Variants in UBE2B observed in about 807,000 individuals in gnomAD.
UBE2B encodes the protein ubiquitin conjugating enzyme E2 B.
UBE2B carries 11 observed loss-of-function variants against 24.6 expected under a neutral mutation model. The ratio of observed to expected loss-of-function variants is 0.45; its 90% CI spans 0.28 to 0.74. The LOEUF (loss-of-function observed/expected upper bound fraction) is 0.74, where lower values mean the gene tolerates loss of function less well. UBE2B is among the 30% of genes least tolerant of loss of function. The pLI, the probability that UBE2B is intolerant of heterozygous loss-of-function variation, is 0.13. For missense variants in UBE2B, 78 were observed against 185.6 expected, an observed-to-expected ratio of 0.42 and a Z score of 3.37; for synonymous variants, 68 against 62.4, an observed-to-expected ratio of 1.09 and a Z score of -0.42.
intron 3 of UBE2B, among the ~76,000 whole-genome samples, chr5:134,379,466 T>C (rs1758668489): frequency 6.6e-6 from 1 of 151,932 alleles, no homozygotes; most frequent in Non-Finnish European, 1.5e-5. Context: ...GCCAACATGG[T>C]GAAACGTCGT....
At chr5:134,376,364 T>TATATATATATATATATATATATATACAC (rs70976528) in intron 2 of UBE2B, among the ~76,000 whole-genome samples, 2 of 79,496 alleles carry the variant, frequency 2.5e-5, no homozygotes, top group African/African-American at 1.0e-4. Flanking sequence ...TATATATATA[T>TATATATATATATATATATATATATACAC]ACACATATGT....
At chr5:134,383,691 C>T (rs936498014) in intron 4 of UBE2B, among the ~76,000 whole-genome samples, 2 of 151,954 alleles carry the variant, frequency 1.3e-5, no homozygotes, top group African/African-American at 4.8e-5. Context: ...GAACTCCTGA[C>T]CTCAGGTGAT....
At chr5:134,373,069 A>G (rs962943548) in intron 1 of UBE2B, among the ~76,000 whole-genome samples, 3 of 152,196 alleles carry the variant, frequency 2.0e-5, no homozygotes, top group Non-Finnish European at 4.4e-5. Flanking sequence ...AGAGATCTGC[A>G]GGTTACAAGA....
At chr5:134,383,734 A>C (rs1758752593) in intron 4 of UBE2B, among the ~76,000 whole-genome samples, 1 of 152,086 alleles carries the variant, frequency 6.6e-6, no homozygotes, top group Non-Finnish European at 1.5e-5. Context: ...TGTTGGGATT[A>C]CAGGTGTGAG....
rs754554572 is a variant in UBE2B, at chr5:134,371,613, G to A, written c.18G>A (p.Arg6=). 48 of 1,613,068 alleles carry A rather than the reference G, an allele frequency of 3.0e-5. No individual in the cohort carries two copies. The highest frequency in any genetic ancestry group is 8.8e-5 in the South Asian group (8 of 91,080). Residue 6 remains arginine, a synonymous_variant, in exon 1 of 6, where the codon CGG becomes CGA. Coordinates refer to ENST00000265339, the MANE Select transcript of UBE2B (RefSeq NM_003337.4). ...TGCGGAGCATGTCGACCCCGGCCCG[G>A]AGGAGGCTCATGCGGGATTTCAAGC... is the stretch of plus-strand genomic sequence containing the variant. MSTPA[R]RRLMRDFKRL...
Position 134,376,659 on chromosome 5 carries a change from T to G in UBE2B, c.126-10T>G, listed in dbSNP as rs1256765832. 6.2e-7 allele frequency: 1 copy of G among 1,611,862 alleles called. No homozygotes were observed. The highest frequency in any genetic ancestry group is 8.5e-7 in the Non-Finnish European group (1 of 1,179,222). On this transcript the variant is annotated splice_polypyrimidine_tract_variant and intron_variant, in intron 2 of 5. Coordinates refer to ENST00000265339, the MANE Select transcript of UBE2B (RefSeq NM_003337.4). Reference sequence around the variant, plus strand: ...AAACTTCTTTTAATCAGAAATCTTCTTGTTTTCAGACCAGAAGGGACACCT... The same window carrying G: ...AAACTTCTTTTAATCAGAAATCTTCGTGTTTTCAGACCAGAAGGGACACCT...
At chr5:134,383,473 C>CTAT (rs1554114519) in intron 4 of UBE2B, among the ~76,000 whole-genome samples, 2,354 of 80,048 alleles carry the variant, frequency 0.029, 174 homozygotes, top group African/African-American at 0.066. Context: ...CCATACCCAG[C>CTAT]TTTTTTTTTT....
intron 3 of UBE2B, among the ~76,000 whole-genome samples, chr5:134,378,260 T>G (rs1249871620): frequency 2.0e-5 from 3 of 151,748 alleles, no homozygotes; most frequent in Non-Finnish European, 2.9e-5. Flanking sequence ...TCTATGTGGG[T>G]TTTTTTTGTT....
chr5:134,389,551 C>CTTT (rs985767264), intron 5 of UBE2B, among the ~76,000 whole-genome samples: 1 of 139,472 alleles, frequency 7.2e-6, no homozygotes, highest in Non-Finnish European at 1.6e-5. Context: ...TTTCTTTTTT[C>CTTT]TTTTTTTTTT....
intron 4 of UBE2B, among the ~76,000 whole-genome samples, chr5:134,387,205 G>A (rs951100290): frequency 7.9e-5 from 12 of 151,950 alleles, no homozygotes; most frequent in African/African-American, 1.7e-4. Flanking sequence ...TGATCCACCC[G>A]CCTCGGCCTC....
At chr5:134,378,076 G>A (rs965934917) in intron 3 of UBE2B, among the ~76,000 whole-genome samples, 1 of 152,068 alleles carries the variant, frequency 6.6e-6, no homozygotes, top group African/African-American at 2.4e-5. Context: ...CCAGCTACTT[G>A]GGAGGATTAC....
chr5:134,376,430 G>GA (rs1260691226), intron 2 of UBE2B, among the ~76,000 whole-genome samples: 1 of 136,998 alleles, frequency 7.3e-6, no homozygotes, highest in Non-Finnish European at 1.5e-5. Context: ...TTATGGGCAA[G>GA]TTTTTTTGTT....
At chr5:134,383,483 T>A (rs996893364) in intron 4 of UBE2B, among the ~76,000 whole-genome samples, 12 of 138,776 alleles carry the variant, frequency 8.6e-5, no homozygotes, top group Non-Finnish European at 1.4e-4. Context: ...CTTTTTTTTT[T>A]TTTTTTTTTT....
chr5:134,377,851 A>G (rs1339480262), intron 3 of UBE2B, among the ~76,000 whole-genome samples: 1 of 152,234 alleles, frequency 6.6e-6, no homozygotes. Context: ...AAGGCATTAG[A>G]CAGTGGCACC....
chr5:134,389,454 G>A (rs1758862751), intron 5 of UBE2B, among the ~76,000 whole-genome samples: 1 of 151,964 alleles, frequency 6.6e-6, no homozygotes. Context: ...AAATTAAGCT[G>A]TTTATTTCCT....
rs70976528 is a variant in UBE2B at position 134,376,364 on chromosome 5, T to TATATATATATATATATATAC, written c.126-304_126-303insTATATATATATATATATACA. ...AAAAAAAAAAATATATATATATATATACACATATGTACAAAATGACTGGTC... is the reference window on the plus strand; with the variant it reads ...AAAAAAAAAAATATATATATATATATATATATATATATATATATACACACATATGTACAAAATGACTGGTC... On this transcript the variant is annotated intron_variant, in intron 2 of 5. Transcript: ENST00000265339. Among the ~76,000 whole-genome samples the TATATATATATATATATATAC allele has an allele frequency of 2.4e-4, 19 of 79,474 alleles. 1 individual carries two copies. The highest frequency in any genetic ancestry group is 5.0e-4 in the South Asian group (1 of 2,000). The allele number at this position is 79,474 out of a possible 152,430, so 52.1% of individuals were successfully genotyped here. A position where few individuals can be genotyped will look rare whatever the true frequency, so the allele number is the denominator to read the frequency against.
At chr5:134,376,901 T>C (rs1758618971) in intron 3 of UBE2B, among the ~76,000 whole-genome samples, 1 of 152,208 alleles carries the variant, frequency 6.6e-6, no homozygotes, top group African/African-American at 2.4e-5. Context: ...AAGGTTACTT[T>C]AATATTTTCC....
intron 3 of UBE2B, among the ~76,000 whole-genome samples, chr5:134,380,314 C>T (rs1227584293): frequency 6.6e-6 from 1 of 152,238 alleles, no homozygotes; most frequent in African/African-American, 2.4e-5. Context: ...ATGATCTGGG[C>T]TCACTGCAAC....
intron 4 of UBE2B, among the ~76,000 whole-genome samples, chr5:134,384,542 A>G (rs1758765703): frequency 6.6e-6 from 1 of 152,162 alleles, no homozygotes; most frequent in Non-Finnish European, 1.5e-5. Context: ...AGAATGAGTA[A>G]GGGATATAAA....
Sources: allele counts gnomAD v4.1 joint callset (sites outside exome capture counted in the v4.1 genomes callset), GRCh38; gene constraint gnomAD v4.1.1; transcripts MANE v1.5; gene names NCBI Gene and HGNC (gene_info 2026-07-23, HGNC 2026-07-21).